Variants in ADAMTS19 observed in about 807,000 individuals in gnomAD.
ADAMTS19 encodes ADAM metallopeptidase with thrombospondin type 1 motif 19, also known as A disintegrin and metalloproteinase with thrombospondin motifs 19.
In ADAMTS19, 93 loss-of-function variants were observed where a neutral mutation model predicts 153.3. The observed-to-expected ratio is 0.61, with a 90% CI of 0.51 to 0.72. ADAMTS19 has a LOEUF of 0.72. ADAMTS19 is among the 30% of genes least tolerant of loss of function. The pLI is 0.00. For synonymous variants in ADAMTS19, 600 were observed against 556.6 expected (o/e 1.08, Z -1.10); for missense variants, 1,482 against 1,552.1 (o/e 0.95, Z 0.76).
chr5:129,662,570 C>T (rs1561635035), intron 15 of ADAMTS19, among the ~76,000 whole-genome samples: 1 of 152,154 alleles, frequency 6.6e-6, no homozygotes, highest in Non-Finnish European at 1.5e-5. Context: ...TATAACATAC[C>T]TCAGAGAGTA....
At chr5:129,634,729 C>T (rs937782142) in intron 10 of ADAMTS19, among the ~76,000 whole-genome samples, 2 of 151,896 alleles carry the variant, frequency 1.3e-5, no homozygotes, top group African/African-American at 2.4e-5. Context: ...CTTTTTAGGC[C>T]GTACACAAAA....
chr5:129,669,133 C>T (rs962923395), intron 16 of ADAMTS19, among the ~76,000 whole-genome samples: 2 of 151,598 alleles, frequency 1.3e-5, no homozygotes, highest in African/African-American at 4.9e-5. Flanking sequence ...GGTACCAAGA[C>T]CATTCAACTG....
chr5:129,483,945 A>G (rs1040609822), intron 2 of ADAMTS19, among the ~76,000 whole-genome samples: 2 of 152,166 alleles, frequency 1.3e-5, no homozygotes, highest in Non-Finnish European at 2.9e-5. Context: ...AAAGTTTTAT[A>G]TATTCTGCCA....
At chr5:129,560,621 C>T (rs767618042) in intron 7 of ADAMTS19, among the ~76,000 whole-genome samples, 1 of 152,130 alleles carries the variant, frequency 6.6e-6, no homozygotes, top group African/African-American at 2.4e-5. Context: ...ATTTTTACTC[C>T]GTCATTTATA....
intron 3 of ADAMTS19, among the ~76,000 whole-genome samples, chr5:129,510,762 G>C (rs1751413620): frequency 1.3e-5 from 2 of 151,510 alleles, no homozygotes; most frequent in East Asian, 1.9e-4. Flanking sequence ...ATTATGCATA[G>C]AGAAAAGGTT....
rs757761499 is a variant in ADAMTS19, at chr5:129,620,642, C to A, written c.1503C>A (p.Asp501Glu). The change falls in exon 9 of 23, where the codon GAC (aspartate) becomes GAA (glutamate). Residue 501 changes from aspartate to glutamate, a missense_variant. Asp to Glu is a conservative substitution (Grantham distance 45). Transcript: ENST00000274487. The part of the protein sequence containing the change: ...GHNMGINHDN[D>E]HPSCADGLHI... ...GCATGGGCATTAACCATGACAATGA[C>A]CACCCATCGTGTGCTGATGGTCTTC... 3.1e-6 allele frequency: 5 copies of A among 1,606,216 alleles called. No homozygotes were observed. The highest frequency in any genetic ancestry group is 4.5e-5 in the East Asian group (2 of 44,586).
At position 129,468,312 on chromosome 5, in the gene ADAMTS19, T is replaced by A. The variant is rs1227158795; in HGVS notation, c.747+6555T>A. ...CTGTTACCAGTATGGACGTTATTAT[T>A]AAAATTTTTGACCTTTGTGAAATCT... On this transcript the variant is annotated intron_variant, in intron 2 of 22. Transcript: ENST00000274487. Among the ~76,000 whole-genome samples, 3 of 152,158 alleles carry A rather than the reference T, an allele frequency of 2.0e-5. 1 individual carries two copies. The highest frequency in any genetic ancestry group is 7.2e-5 in the African/African-American group (3 of 41,438).
At chr5:129,526,789 T>C (rs987324861) in intron 4 of ADAMTS19, among the ~76,000 whole-genome samples, 8 of 151,588 alleles carry the variant, frequency 5.3e-5, no homozygotes. Flanking sequence ...TGTCTGTATG[T>C]ATGCATGTAT....
chr5:129,522,167 A>G (rs1336296241), intron 3 of ADAMTS19, among the ~76,000 whole-genome samples: 1 of 150,748 alleles, frequency 6.6e-6, no homozygotes. Flanking sequence ...TTATATATCC[A>G]TCTAGAAAGG....
chr5:129,570,966 G>A (rs1319076870), intron 7 of ADAMTS19, among the ~76,000 whole-genome samples: 1 of 151,860 alleles, frequency 6.6e-6, no homozygotes, highest in African/African-American at 2.4e-5. Context: ...GGCAGTTAAT[G>A]TCACATTTAA....
intron 21 of ADAMTS19, among the ~76,000 whole-genome samples, chr5:129,719,143 A>C (rs1561668286): frequency 6.6e-6 from 1 of 152,172 alleles, no homozygotes; most frequent in Non-Finnish European, 1.5e-5. Flanking sequence ...ATCTAACAAA[A>C]ATTTAAATAA....
chr5:129,609,179 G>T lies in ADAMTS19; in HGVS notation c.1479-11439G>T, dbSNP rs1159632670. Reference sequence around the variant, plus strand: ...GTAAATGTTAAAAACTACCTATGTGGATAGTTGAGAGGGAAAGTGCATTAT... The same window carrying T: ...GTAAATGTTAAAAACTACCTATGTGTATAGTTGAGAGGGAAAGTGCATTAT... On this transcript the variant is annotated intron_variant, in intron 8 of 22. Coordinates refer to ENST00000274487, the MANE Select transcript of ADAMTS19 (RefSeq NM_133638.6). 2.0e-5 allele frequency among the ~76,000 whole-genome samples: 3 copies of T among 152,176 alleles called. No homozygotes were observed. In the East Asian group the frequency reaches 5.8e-4, roughly 29 times the overall value.
At chr5:129,569,180 A>C (rs1213819971) in intron 7 of ADAMTS19, among the ~76,000 whole-genome samples, 1 of 152,110 alleles carries the variant, frequency 6.6e-6, no homozygotes, top group Non-Finnish European at 1.5e-5. Flanking sequence ...AAAAACCCTC[A>C]AGTGACTATT....
intron 20 of ADAMTS19, among the ~76,000 whole-genome samples, chr5:129,702,860 T>C (rs1755942273): frequency 6.8e-6 from 1 of 146,124 alleles, no homozygotes; most frequent in African/African-American, 2.5e-5. Context: ...ATATGCCAAT[T>C]GAAAAAACGT....
chr5:129,654,352 T>A lies in ADAMTS19; in HGVS notation c.2223T>A (p.Pro741=). ...LFCSPVGKEQ[P]ILLSEKVMDG... is the part of the protein sequence containing the mutation. ...GCTCTCCTGTTGGAAAAGAACAGCC[T>A]ATTCTTCTATCAGAAAAAGTGATGG... The change falls in exon 14 of 23, where the codon CCT becomes CCA. Residue 741 remains proline (P), a synonymous_variant. Transcript: ENST00000274487. The A allele has an allele frequency of 6.2e-7, 1 of 1,613,262 alleles. No homozygotes were observed. The highest frequency in any genetic ancestry group is 8.5e-7 in the Non-Finnish European group (1 of 1,179,722).
intron 7 of ADAMTS19, among the ~76,000 whole-genome samples, chr5:129,590,287 C>A (rs948256269): frequency 1.2e-4 from 18 of 152,020 alleles, no homozygotes; most frequent in African/African-American, 4.3e-4. Flanking sequence ...TAATTTTGCA[C>A]CTGGGAATTA....
chr5:129,476,233 T>C (rs1287903968), intron 2 of ADAMTS19, among the ~76,000 whole-genome samples: 1 of 152,104 alleles, frequency 6.6e-6, no homozygotes, highest in Non-Finnish European at 1.5e-5. Context: ...AAATGAACAA[T>C]TTCAAACCAC....
At chr5:129,668,645 C>T (rs1276091975) in intron 16 of ADAMTS19, among the ~76,000 whole-genome samples, 2 of 152,026 alleles carry the variant, frequency 1.3e-5, no homozygotes, top group Non-Finnish European at 1.5e-5. Flanking sequence ...AGGATTTCAA[C>T]ATATAAATTA....
chr5:129,507,700 G>T (rs1343790049), intron 2 of ADAMTS19, among the ~76,000 whole-genome samples: 1 of 150,566 alleles, frequency 6.6e-6, no homozygotes, highest in African/African-American at 2.5e-5. Context: ...GCCAGAGTGA[G>T]ATCTAGAGCG....
Sources: allele counts gnomAD v4.1 joint callset (sites outside exome capture counted in the v4.1 genomes callset), GRCh38; gene constraint gnomAD v4.1.1; transcripts MANE v1.5; gene names NCBI Gene and HGNC (gene_info 2026-07-23, HGNC 2026-07-21).